The following ERAP1 variants were observed in gnomAD, a reference collection of about 807,000 sequenced individuals.
ERAP1 encodes endoplasmic reticulum aminopeptidase 1.
A neutral mutation model predicts 103.7 loss-of-function variants in ERAP1; 86 were observed. The ratio of observed to expected loss-of-function variants is 0.83; its 90% confidence interval spans 0.70 to 0.99. The LOEUF (loss-of-function observed/expected upper bound fraction) is 0.99, where lower values mean the gene tolerates loss of function less well. Ranked by LOEUF, ERAP1 falls within the 50% of genes least tolerant of loss-of-function variation. ERAP1 has a pLI of 0.00. For synonymous variants in ERAP1, 398 were observed against 402.4 expected (o/e 0.99, Z 0.13); for missense variants, 1,009 against 1,128.4 (o/e 0.89, Z 1.52).
the ERAP1 span, among the ~76,000 whole-genome samples, chr5:96,861,759 A>G: frequency 1.3e-5 from 2 of 152,236 alleles, no homozygotes; most frequent in Non-Finnish European, 2.9e-5. Flanking sequence ...TAACTGAAGT[A>G]CATGGCCCAG....
chr5:96,922,537 T>C, the ERAP1 span, among the ~76,000 whole-genome samples: 1 of 152,170 alleles, frequency 6.6e-6, no homozygotes, highest in African/African-American at 2.4e-5. Context: ...GCAGGAGTCG[T>C]AGAAGGACAA....
chr5:96,819,660 C>T, the ERAP1 span, among the ~76,000 whole-genome samples: 11 of 152,034 alleles, frequency 7.2e-5, no homozygotes, highest in Non-Finnish European at 1.2e-4. Flanking sequence ...TGTTTTTTTA[C>T]GTACTAAGGA....
intron 19 of ERAP1, chr5:96,765,307 A>G (rs751463083): frequency 2.1e-6 from 3 of 1,413,728 alleles, no homozygotes; most frequent in Non-Finnish European, 2.0e-6. Context: ...AGAACAAACC[A>G]ATGGAAGATA....
the ERAP1 span, among the ~76,000 whole-genome samples, chr5:96,862,166 A>C: frequency 5.3e-5 from 8 of 152,004 alleles, no homozygotes; most frequent in African/African-American, 1.4e-4. Flanking sequence ...TTTTCTTTTT[A>C]TTTTTTGTAG....
At chr5:96,856,530 G>A in the ERAP1 span, among the ~76,000 whole-genome samples, 3 of 151,548 alleles carry the variant, frequency 2.0e-5, no homozygotes, top group Non-Finnish European at 4.4e-5. Flanking sequence ...ACCCTACGTC[G>A]TATCTTGGCA....
intron 13 of ERAP1, 55 bp downstream of exon 13, chr5:96,785,733 G>C: frequency 6.4e-7 from 1 of 1,573,096 alleles, no homozygotes; most frequent in Non-Finnish European, 8.7e-7. Flanking sequence ...TCAAGAATTT[G>C]AACAATAACA....
chr5:96,917,395 A>T, the ERAP1 span: 189 of 1,354,726 alleles, frequency 1.4e-4, 1 homozygote, highest in Middle Eastern at 2.4e-4. Context: ...TGCTGGGATT[A>T]CAGGTGTGAA....
At position 96,788,518 on chromosome 5, in the gene ERAP1, C is replaced by G; in HGVS notation, c.1679+13G>C. The G allele has an allele frequency of 1.2e-6, 2 of 1,613,996 alleles. No homozygotes were observed. The highest frequency in any genetic ancestry group is 1.7e-6 in the Non-Finnish European group (2 of 1,180,034). On this transcript the variant is annotated intron_variant, in intron 11 of 18. Transcript: ENST00000443439. ...CCTAGACAACAAAACAAATTTTACT[C>G]TAGGAGCATTACCCAGTGTCCGGGG... is the stretch of plus-strand genomic sequence containing the variant.
rs762738438 is a variant in ERAP1, at chr5:96,803,514, G to A, written c.413C>T (p.Pro138Leu). ...TGTGTACGGGAGCCCGACAAGGAGG[G>A]GCTCGGGAGCCAGCAGTGCAATTTG... Reference protein sequence around the residue: ...QEQIALLAPEPLLVGLPYTVV... With the variant: ...QEQIALLAPELLLVGLPYTVV... The change falls in exon 2 of 19, where the codon CCC (proline) becomes CTC (leucine). Residue 138 changes from proline (P) to leucine (L), a missense_variant. Coordinates refer to ENST00000443439, the MANE Select transcript of ERAP1 (RefSeq NM_001040458.3). 6.2e-7 allele frequency: 1 copy of A among 1,613,364 alleles called. No individual in the cohort carries two copies. Among genetic ancestry groups the A allele is most frequent in the Admixed American group, 1.7e-5 (1 of 59,944 alleles).
the ERAP1 span, among the ~76,000 whole-genome samples, chr5:96,841,302 C>A: frequency 6.6e-6 from 1 of 152,206 alleles, no homozygotes; most frequent in African/African-American, 2.4e-5. Context: ...TATATTATAA[C>A]CCTGTCCTGC....
At chr5:96,880,007 A>C in the ERAP1 span, 2 of 1,614,158 alleles carry the variant, frequency 1.2e-6, no homozygotes, top group Non-Finnish European at 1.7e-6. Context: ...TACCCAGTTT[A>C]TCATCTTGCA....
the ERAP1 span, among the ~76,000 whole-genome samples, chr5:96,822,013 T>C: frequency 6.6e-6 from 1 of 152,328 alleles, no homozygotes; most frequent in South Asian, 2.1e-4. Flanking sequence ...CTATCCCAAG[T>C]GTGATTATTG....
the ERAP1 span, among the ~76,000 whole-genome samples, chr5:96,882,956 CA>C: frequency 1.3e-5 from 2 of 152,020 alleles, no homozygotes; most frequent in African/African-American, 4.8e-5. Context: ...GCTTAAAGTC[CA>C]AAGAGTAAAT....
the ERAP1 span, among the ~76,000 whole-genome samples, chr5:96,867,507 G>A: frequency 3.3e-5 from 5 of 152,132 alleles, no homozygotes; most frequent in African/African-American, 1.2e-4. Context: ...GGGTGGCGTT[G>A]GGATGATTTG....
At chr5:96,930,629 T>C in the ERAP1 span, among the ~76,000 whole-genome samples, 4 of 152,182 alleles carry the variant, frequency 2.6e-5, no homozygotes, top group Non-Finnish European at 5.9e-5. Context: ...CATTCCTCAG[T>C]TGACACTCCC....
the ERAP1 span, chr5:96,873,276 T>C: frequency 2.2e-6 from 1 of 449,628 alleles, no homozygotes; most frequent in Non-Finnish European, 4.5e-6. Context: ...GTTAACTCAT[T>C]CATTCTCACC....
chr5:96,762,015 G>A (rs574318614), exon 20 of ERAP1: 13 of 280,048 alleles, frequency 4.6e-5, no homozygotes, highest in Non-Finnish European at 7.9e-5. Context: ...TAAACAAACC[G>A]TGGAACTCTA....
At chr5:96,796,897 A>T (rs1050508679) in intron 4 of ERAP1, among the ~76,000 whole-genome samples, 1 of 152,088 alleles carries the variant, frequency 6.6e-6, no homozygotes, top group African/African-American at 2.4e-5. Flanking sequence ...GGCTCAAGGG[A>T]TCCTCCCTAG....
At position 96,775,839 on chromosome 5, in the gene ERAP1, G is replaced by C. The variant is rs148667753; in HGVS notation, c.*557C>G. ...CTCCGACCCCAGCTCCAGCTCTCCGGCTCCCCACTGACCAACATCCAAAGG... is the reference window on the plus strand; with the variant it reads ...CTCCGACCCCAGCTCCAGCTCTCCGCCTCCCCACTGACCAACATCCAAAGG... On this transcript the variant is annotated 3_prime_UTR_variant, in exon 19 of 19. Coordinates refer to ENST00000443439, the MANE Select transcript of ERAP1 (RefSeq NM_001040458.3). The C allele has an allele frequency of 2.8e-4, 139 of 491,628 alleles. No homozygotes were observed. The highest frequency in any genetic ancestry group is 2.6e-3 in the African/African-American group (126 of 47,862). The allele number at this position is 491,628 out of a possible 1,614,324, so 30.5% of individuals were successfully genotyped here. A position where few individuals can be genotyped will look rare whatever the true frequency, so the allele number is the denominator to read the frequency against.
Sources: gnomAD v4.1 joint callset for allele counts (sites outside exome capture counted in the v4.1 genomes callset) on GRCh38, gnomAD v4.1.1 for gene constraint, MANE v1.5 for transcripts, NCBI Gene and HGNC (gene_info 2026-07-23, HGNC 2026-07-21) for gene names.